TMPRSS3: variants seen among roughly 807,000 people sequenced by gnomAD.
The protein encoded by TMPRSS3 is transmembrane protease serine 3.
A neutral mutation model predicts 59.6 loss-of-function variants in TMPRSS3; 55 were observed. The observed-to-expected ratio is 0.92, with a 90% confidence interval of 0.74 to 1.16. TMPRSS3 has a LOEUF of 1.16. Among genes scored for constraint, TMPRSS3 ranks in the 50% most tolerant of loss-of-function variants. TMPRSS3 has a pLI of 0.00. For synonymous variants in TMPRSS3, 257 were observed against 237.7 expected, an observed-to-expected ratio of 1.08 and a Z score of -0.75; for missense variants, 596 against 579.4, an observed-to-expected ratio of 1.03 and a Z score of -0.29.
chr21:42,375,034 C>T (rs1001280344), intron 12 of TMPRSS3, among the ~76,000 whole-genome samples: 1 of 151,974 alleles, frequency 6.6e-6, no homozygotes, highest in Admixed American at 6.6e-5. Flanking sequence ...GTTTCCCCGG[C>T]GCCCACATGA....
At chr21:42,374,465 A>G (rs1449710283) in intron 12 of TMPRSS3, among the ~76,000 whole-genome samples, 1 of 152,270 alleles carries the variant, frequency 6.6e-6, no homozygotes, top group Non-Finnish European at 1.5e-5. Context: ...CCTGAGGCAC[A>G]TTCAGCATTT....
intron 2 of TMPRSS3, among the ~76,000 whole-genome samples, chr21:42,390,958 A>T (rs2052725257): frequency 6.6e-6 from 1 of 152,152 alleles, no homozygotes; most frequent in East Asian, 1.9e-4. Flanking sequence ...GGCCTTGATG[A>T]CACCTTGGAA....
In TMPRSS3 at chr21:42,387,308, A is replaced by G. The variant is rs116202290; in HGVS notation, c.446+1095T>C. ...GCCCCCCAACACCCCCCACCCAATG[A>G]GTCAGAGGAAGAGGCTCAGCGGGGA... On this transcript the variant is annotated intron_variant, in intron 5 of 12. Coordinates refer to ENST00000644384, the MANE Select transcript of TMPRSS3 (RefSeq NM_001256317.3). Among the ~76,000 whole-genome samples the G allele has an allele frequency of 6.6e-3, 1,010 of 151,988 alleles. 14 individuals are homozygous for G. The highest frequency in any genetic ancestry group is 0.023 in the African/African-American group (965 of 41,408).
In TMPRSS3 at chr21:42,372,712, G is replaced by T. The variant is rs2052356097; in HGVS notation, c.*50C>A. Reference sequence around the variant, plus strand: ...ACACGGGAGTCCAGGGGAGGATCGGGCTGTCTTCATCACCTCAGGAACTCA... The same window carrying T: ...ACACGGGAGTCCAGGGGAGGATCGGTCTGTCTTCATCACCTCAGGAACTCA... On this transcript the variant is annotated 3_prime_UTR_variant, in exon 13 of 13. Coordinates refer to ENST00000644384, the MANE Select transcript of TMPRSS3 (RefSeq NM_001256317.3). 1.9e-6 allele frequency: 3 copies of T among 1,606,648 alleles called. No homozygotes were observed. Among genetic ancestry groups the T allele is most frequent in the Non-Finnish European group, 2.6e-6 (3 of 1,173,286 alleles).
Position 42,382,852 on chromosome 21 carries a change from T to A in TMPRSS3, c.782+181A>T, listed in dbSNP as rs1008326946. On this transcript the variant is annotated intron_variant, in intron 8 of 12. Transcript: ENST00000644384. ...TTAAAACAAGCTCAGGGTCACAAGT[T>A]ACCCCCAGCTGATGATGATGGGTCC... 9.7e-6 allele frequency: 7 copies of A among 723,278 alleles called. No homozygotes were observed. In the East Asian group the frequency reaches 1.4e-4, roughly 14 times the overall value. 44.8% of individuals were successfully genotyped at this position (723,278 alleles called of 1,614,324 possible).
At chr21:42,387,538 C>T (rs967879633) in intron 5 of TMPRSS3, among the ~76,000 whole-genome samples, 19 of 152,076 alleles carry the variant, frequency 1.2e-4, no homozygotes, top group African/African-American at 4.6e-4. Flanking sequence ...AGGCAGACCT[C>T]AGGGCTGGAG....
intron 12 of TMPRSS3, among the ~76,000 whole-genome samples, 158 bp downstream of exon 12, chr21:42,375,558 C>T (rs113056304): frequency 6.6e-6 from 1 of 152,238 alleles, no homozygotes; most frequent in African/African-American, 2.4e-5. Flanking sequence ...CTGTTTTCAG[C>T]ACAAGCGTCT....
At chr21:42,393,738 G>A (rs1367120187) in intron 2 of TMPRSS3, among the ~76,000 whole-genome samples, 5 of 152,170 alleles carry the variant, frequency 3.3e-5, no homozygotes, top group Non-Finnish European at 7.3e-5. Context: ...CTGTCCTAAC[G>A]ACCCCACTCT....
intron 2 of TMPRSS3, chr21:42,390,457 G>C (rs569148014): frequency 4.2e-6 from 1 of 238,022 alleles, no homozygotes; most frequent in East Asian, 1.0e-4. Flanking sequence ...GCCGGGTGCA[G>C]TGGCTCACTC....
chr21:42,382,008 G>A, intron 9 of TMPRSS3, 57 bp downstream of exon 9: 1 of 1,609,258 alleles, frequency 6.2e-7, no homozygotes, highest in Non-Finnish European at 8.5e-7. Context: ...ATGAGCAATT[G>A]CAAATCCTCT....
intron 12 of TMPRSS3, 96 bp downstream of exon 12, chr21:42,375,620 A>G: frequency 2.6e-6 from 4 of 1,518,976 alleles, no homozygotes; most frequent in Non-Finnish European, 3.6e-6. Context: ...CCACTGGGTC[A>G]CGCCCTGGTT....
At chr21:42,378,664 C>A (rs995055887) in intron 10 of TMPRSS3, among the ~76,000 whole-genome samples, 4 of 152,306 alleles carry the variant, frequency 2.6e-5, no homozygotes, top group Middle Eastern at 3.4e-3. Context: ...TCCAGGAAAA[C>A]CACCCTACAG....
rs760956167 is a variant in TMPRSS3 at position 42,383,902 on chromosome 21, G to C, written c.616+68C>G. Reference sequence around the variant, plus strand: ...GAGCCCCATGGGGGGAGAGGACTCTGAGGGCAAGGAGATAGGACTTAGCAT... The same window carrying C: ...GAGCCCCATGGGGGGAGAGGACTCTCAGGGCAAGGAGATAGGACTTAGCAT... On this transcript the variant is annotated intron_variant, in intron 7 of 12. Coordinates refer to ENST00000644384, the MANE Select transcript of TMPRSS3 (RefSeq NM_001256317.3). 111 of 1,552,570 alleles carry C rather than the reference G, an allele frequency of 7.1e-5. 1 individual carries two copies. The highest frequency in any genetic ancestry group is 7.8e-5 in the Non-Finnish European group (88 of 1,125,256).
chr21:42,386,668 T>C (rs2052638746), intron 5 of TMPRSS3, among the ~76,000 whole-genome samples: 1 of 152,254 alleles, frequency 6.6e-6, no homozygotes, highest in Non-Finnish European at 1.5e-5. Context: ...TACGTGCTAT[T>C]ATCATCCCTC....
At position 42,383,177 on chromosome 21, in the gene TMPRSS3, T is replaced by C. The variant is rs1555853906; in HGVS notation, c.638A>G (p.Tyr213Cys). The C allele has an allele frequency of 1.2e-6, 2 of 1,613,656 alleles. No individual in the cohort carries two copies. Among genetic ancestry groups the C allele is most frequent in the Admixed American group, 1.7e-5 (1 of 59,996 alleles). Reference sequence around the variant, plus strand: ...GTTTCCACCCACGATGCGTGAGCTGTAGCCCCTTCTATGACCACAGGCTAT... The same window carrying C: ...GTTTCCACCCACGATGCGTGAGCTGCAGCCCCTTCTATGACCACAGGCTAT... Reference protein sequence around the residue: ...QCTACGHRRGYSSRIVGGNMS... With the variant: ...QCTACGHRRGCSSRIVGGNMS... Residue 213 changes from tyrosine (Y) to cysteine (C), a missense_variant, in exon 8 of 13, where the codon TAC (tyrosine) becomes TGC (cysteine). By Grantham distance (194) the Tyr-to-Cys change is radical. Coordinates refer to ENST00000644384, the MANE Select transcript of TMPRSS3 (RefSeq NM_001256317.3).
In TMPRSS3 at chr21:42,389,050, G is replaced by GAAA. The variant is rs1568889432; in HGVS notation, c.206-8_206-6dup. On this transcript the variant is annotated splice_polypyrimidine_tract_variant and splice_region_variant and intron_variant, in intron 3 of 12. Transcript: ENST00000644384. ...TCCCTGAGCAGTCGAAGTGGACTGG[G>GAAA]AAAAGGGAGGAAGGCAGGAATTAAC... is the stretch of plus-strand genomic sequence containing the variant. The GAAA allele has an allele frequency of 6.2e-7, 1 of 1,614,070 alleles. No homozygotes were observed. The highest frequency in any genetic ancestry group is 1.7e-5 in the Admixed American group (1 of 60,034).
chr21:42,380,155 A>G lies in TMPRSS3; in HGVS notation c.1010T>C (p.Val337Ala). The G allele has an allele frequency of 6.2e-7, 1 of 1,614,134 alleles. No homozygotes were observed. The highest frequency in any genetic ancestry group is 8.5e-7 in the Non-Finnish European group (1 of 1,180,000). Residue 337 changes from valine (V) to alanine (A), a missense_variant, in exon 10 of 13, where the codon GTG becomes GCG. Coordinates refer to ENST00000644384, the MANE Select transcript of TMPRSS3 (RefSeq NM_001256317.3). ...GGCCCCCCATCCTGACGTCCAGCAC[A>G]CTTTTCCATCGGGGAAGTTCTCTTC... is the stretch of plus-strand genomic sequence containing the variant. ...NSEENFPDGK[V>A]CWTSGWGATE...
rs1601509818 is a variant in TMPRSS3 at position 42,372,192 on chromosome 21, G to A, written c.*570C>T. On this transcript the variant is annotated 3_prime_UTR_variant, in exon 13 of 13. Coordinates refer to ENST00000644384, the MANE Select transcript of TMPRSS3 (RefSeq NM_001256317.3). The stretch of plus-strand genomic sequence containing the variant: ...TCAGGAATTTTGCAAGACCCCTGGA[G>A]AGAAAACCAGATGGACCAGTGGGAA... 2.2e-6 allele frequency: 1 copy of A among 448,330 alleles called. No individual in the cohort carries two copies. The highest frequency in any genetic ancestry group is 4.5e-6 in the Non-Finnish European group (1 of 222,406). 27.8% of individuals were successfully genotyped at this position (448,330 alleles called of 1,614,324 possible). A position where few individuals can be genotyped will look rare whatever the true frequency, so the allele number is the denominator to read the frequency against.
In TMPRSS3 at chr21:42,395,448, C is replaced by G. The variant is rs1330926918; in HGVS notation, c.-31G>C. ...CTATTTCAGGACCTCTGACATCCGG[C>G]TCCGCCTCCACCTCTACCTCCTTAG... On this transcript the variant is annotated 5_prime_UTR_variant, in exon 2 of 13. Coordinates refer to ENST00000644384, the MANE Select transcript of TMPRSS3 (RefSeq NM_001256317.3). The G allele has an allele frequency of 7.6e-6, 12 of 1,582,366 alleles. No homozygotes were observed. In the Admixed American group the frequency reaches 1.3e-4, roughly 18 times the overall value.
Sources: allele counts gnomAD v4.1 joint callset (sites outside exome capture counted in the v4.1 genomes callset), GRCh38; gene constraint gnomAD v4.1.1; transcripts MANE v1.5; gene names NCBI Gene and HGNC (gene_info 2026-07-23, HGNC 2026-07-21).